Variants in CHST9 observed in about 807,000 individuals in gnomAD.
CHST9 encodes GalNAc-4-sulfotransferase 2.
Under a neutral mutation model 44.4 loss-of-function variants are expected in CHST9, and 41 were observed. The ratio of observed to expected loss-of-function variants is 0.92; its 90% CI spans 0.72 to 1.20. The LOEUF is 1.20. Ranked by LOEUF, CHST9 falls within the 50% of genes most tolerant of loss-of-function variation. The pLI is 0.00. For missense variants in CHST9, 504 were observed against 516.5 expected (o/e 0.98, Z 0.23); for synonymous variants, 171 against 178.4 (o/e 0.96, Z 0.33).
chr18:26,977,425 T>TAAAA (rs34131355), intron 4 of CHST9, among the ~76,000 whole-genome samples: 6 of 134,644 alleles, frequency 4.5e-5, no homozygotes, highest in African/African-American at 1.4e-4. Context: ...AGGTCACTTG[T>TAAAA]AAAAAAAAAA....
At chr18:26,996,882 A>C (rs373385175) in intron 4 of CHST9, among the ~76,000 whole-genome samples, 93 of 152,340 alleles carry the variant, frequency 6.1e-4, no homozygotes, top group African/African-American at 2.1e-3. Context: ...AGAGAAAAGC[A>C]GTAGAAAATT....
At chr18:27,172,514 A>C (rs1370609903) in intron 1 of CHST9, among the ~76,000 whole-genome samples, 1 of 152,022 alleles carries the variant, frequency 6.6e-6, no homozygotes, top group African/African-American at 2.4e-5. Flanking sequence ...GTACTTCTTA[A>C]GAACATGCTC....
In CHST9 at chr18:26,910,396, G is replaced by A. The variant is rs901033165; in HGVS notation, c.*5863C>T. On this transcript the variant is annotated 3_prime_UTR_variant, in exon 6 of 6. Coordinates refer to ENST00000618847, the MANE Select transcript of CHST9 (RefSeq NM_031422.6). ...AGTTGATTTCCTTTGGAAGCTTGGCGGGGGAAGGAATACACTCTTCAGAGC... is the reference window on the plus strand; with the variant it reads ...AGTTGATTTCCTTTGGAAGCTTGGCAGGGGAAGGAATACACTCTTCAGAGC... The A allele has an allele frequency of 6.6e-6, 1 of 152,320 alleles. No individual in the cohort carries two copies. Among genetic ancestry groups the A allele is most frequent in the Non-Finnish European group, 1.5e-5 (1 of 68,076 alleles). 9.4% of individuals were successfully genotyped at this position (152,320 alleles called of 1,614,324 possible).
intron 4 of CHST9, among the ~76,000 whole-genome samples, chr18:26,976,411 C>G (rs1179329443): frequency 6.6e-6 from 1 of 152,092 alleles, no homozygotes; most frequent in Non-Finnish European, 1.5e-5. Context: ...GATTTAGCCC[C>G]AGGCCACATA....
intron 5 of CHST9, chr18:26,934,237 CT>C (rs1201999943): frequency 2.2e-3 from 312 of 142,860 alleles, no homozygotes; most frequent in Admixed American, 2.3e-3. Context: ...TTCTTTCTTT[CT>C]TTTTTTTTTT....
chr18:26,916,376 G>C lies in CHST9; in HGVS notation c.1215C>G (p.Thr405=). 6.2e-7 allele frequency: 1 copy of C among 1,613,696 alleles called. No homozygotes were observed. The highest frequency in any genetic ancestry group is 1.1e-5 in the South Asian group (1 of 91,060). Residue 405 remains threonine (T), a synonymous_variant, in exon 6 of 6, where the codon ACC becomes ACG. Coordinates refer to ENST00000618847, the MANE Select transcript of CHST9 (RefSeq NM_031422.6). ...FKDRHSSDER[T]NAQVVRQYLK... ...AATACTGTCTCACGACTTGAGCATTGGTTCTTTCATCGGAAGAGTGCCTAT... is the reference window on the plus strand; with the variant it reads ...AATACTGTCTCACGACTTGAGCATTCGTTCTTTCATCGGAAGAGTGCCTAT...
At chr18:26,967,262 G>A (rs556162592) in intron 4 of CHST9, among the ~76,000 whole-genome samples, 2 of 152,232 alleles carry the variant, frequency 1.3e-5, no homozygotes, top group African/African-American at 4.8e-5. Flanking sequence ...ATGCTATGTA[G>A]GAAGCTGCTT....
chr18:27,154,664 C>T (rs981861086), intron 1 of CHST9, among the ~76,000 whole-genome samples: 1 of 152,052 alleles, frequency 6.6e-6, no homozygotes, highest in African/African-American at 2.4e-5. Context: ...GGTTTATATG[C>T]ACATCTTGCC....
rs369921666 is a variant in CHST9 at position 26,969,280 on chromosome 18, G to C, written c.203-24914C>G. Among the ~76,000 whole-genome samples the C allele has an allele frequency of 2.0e-5, 3 of 152,054 alleles. No individual in the cohort carries two copies. The East Asian group carries it at 5.8e-4, about 29-fold the overall frequency. ...GCTTCCCAAAGTGCTAGGATTACAG[G>C]CGTGAGCCACCGCGCCTGGCCACGA... On this transcript the variant is annotated intron_variant, in intron 4 of 5. Transcript: ENST00000618847.
At chr18:27,184,184 A>G (rs182772856) in intron 1 of CHST9, among the ~76,000 whole-genome samples, 1 of 152,276 alleles carries the variant, frequency 6.6e-6, no homozygotes, top group Admixed American at 6.5e-5. Context: ...AAAGTCACAC[A>G]CACACATTGT....
At position 26,975,709 on chromosome 18, in the gene CHST9, A is replaced by ATG. The variant is rs1266109899; in HGVS notation, c.203-31345_203-31344dup. Among the ~76,000 whole-genome samples, 386 of 56,882 alleles carry ATG rather than the reference A, an allele frequency of 6.8e-3. 2 individuals are homozygous for ATG. Among genetic ancestry groups the ATG allele is most frequent in the East Asian group, 9.2e-3 (15 of 1,626 alleles). 37.3% of individuals were successfully genotyped at this position (56,882 alleles called of 152,430 possible). On this transcript the variant is annotated intron_variant, in intron 4 of 5. Transcript: ENST00000618847. ...TGTGTGTGTATATATATGTGTATATATGTGTGTGTGTGTGTGTATATATAT... is the reference window on the plus strand; with the variant it reads ...TGTGTGTGTATATATATGTGTATATATGTGTGTGTGTGTGTGTGTATATATAT...
At chr18:27,056,635 T>C (rs887312820) in intron 2 of CHST9, among the ~76,000 whole-genome samples, 2 of 152,226 alleles carry the variant, frequency 1.3e-5, no homozygotes, top group African/African-American at 4.8e-5. Flanking sequence ...ATATTTATAA[T>C]GCTCTCACCT....
Position 27,048,488 on chromosome 18 carries a change from C to T in CHST9, c.137G>A (p.Arg46Lys), listed in dbSNP as rs1191180632. 1 of 1,606,574 alleles carries T rather than the reference C, an allele frequency of 6.2e-7. No individual in the cohort carries two copies. The highest frequency in any genetic ancestry group is 1.3e-5 in the African/African-American group (1 of 74,732). ...EEQHTGRVEK[R>K]REQKVTSGWG... ...ACCTGAAGTTACTTTTTGTTCTCTT[C>T]TCTTCTCCACTCTCCCTGAAATGAG... is the stretch of plus-strand genomic sequence containing the variant. The change falls in exon 3 of 6, where the codon AGA becomes AAA. Residue 46 changes from arginine (R) to lysine (K), a missense_variant. By Grantham distance (26) the Arg-to-Lys change is conservative. Coordinates refer to ENST00000618847, the MANE Select transcript of CHST9 (RefSeq NM_031422.6).
chr18:27,093,317 T>G (rs754170825), intron 2 of CHST9, among the ~76,000 whole-genome samples: 8 of 152,238 alleles, frequency 5.3e-5, no homozygotes, highest in Non-Finnish European at 8.8e-5. Context: ...CAGAAGTTGT[T>G]TGCTGTCTTT....
intron 1 of CHST9, among the ~76,000 whole-genome samples, chr18:27,155,221 G>A (rs1370367736): frequency 6.6e-6 from 1 of 151,944 alleles, no homozygotes; most frequent in Non-Finnish European, 1.5e-5. Context: ...AGAATGCTTT[G>A]CCCATAGAAA....
intron 4 of CHST9, among the ~76,000 whole-genome samples, chr18:27,009,584 C>G (rs2057058560): frequency 6.6e-6 from 1 of 152,134 alleles, no homozygotes; most frequent in African/African-American, 2.4e-5. Context: ...TGAAGTAATG[C>G]CAGTAAGTAT....
intron 4 of CHST9, among the ~76,000 whole-genome samples, chr18:26,965,040 T>G (rs2056447106): frequency 6.6e-6 from 1 of 152,256 alleles, no homozygotes; most frequent in Non-Finnish European, 1.5e-5. Flanking sequence ...ATTTCTTTCC[T>G]TCATTATTTG....
intron 4 of CHST9, among the ~76,000 whole-genome samples, chr18:26,960,606 A>C (rs2056387026): frequency 6.6e-6 from 1 of 152,242 alleles, no homozygotes; most frequent in Admixed American, 6.5e-5. Context: ...TGGAACGCTA[A>C]GCATATGGGA....
intron 2 of CHST9, among the ~76,000 whole-genome samples, chr18:27,137,457 C>A (rs1293567076): frequency 6.6e-6 from 1 of 151,426 alleles, no homozygotes; most frequent in African/African-American, 2.4e-5. Context: ...CAGAAGGGAT[C>A]CCAGGCTCCT....
Sources: allele counts gnomAD v4.1 joint callset (sites outside exome capture counted in the v4.1 genomes callset), GRCh38; gene constraint gnomAD v4.1.1; transcripts MANE v1.5; gene names NCBI Gene and HGNC (gene_info 2026-07-23, HGNC 2026-07-21).